The following NR1I2 variants were observed in gnomAD, a reference collection of about 807,000 sequenced individuals.
NR1I2 encodes the protein orphan nuclear receptor PAR1.
NR1I2 carries 42 observed loss-of-function variants against 43.3 expected under a neutral mutation model. The observed-to-expected ratio is 0.97, with a 90% CI of 0.76 to 1.26. The LOEUF (loss-of-function observed/expected upper bound fraction) is 1.26. Among genes scored for constraint, NR1I2 ranks in the 50% most tolerant of loss-of-function variants. The pLI, the probability that NR1I2 is intolerant of heterozygous loss-of-function variation, is 0.00. For synonymous variants in NR1I2, 229 were observed against 215.0 expected (o/e 1.06, Z -0.57); for missense variants, 559 against 566.7 (o/e 0.99, Z 0.14).
At position 119,814,985 on chromosome 3, in the gene NR1I2, GC is replaced by G; in HGVS notation, c.804del (p.Ile269SerfsTer8). The G allele has an allele frequency of 1.9e-6, 3 of 1,614,146 alleles. No individual in the cohort carries two copies. Among genetic ancestry groups the G allele is most frequent in the Non-Finnish European group, 2.5e-6 (3 of 1,180,016 alleles). The stretch of plus-strand genomic sequence containing the variant: ...TCCCCATCCTTGCTGCCAGGGACTT[GC>G]CCATCGAGGACCAGATCTCCCTGCT... On this transcript the variant is annotated frameshift_variant, in exon 6 of 9. Transcript: ENST00000393716. LOFTEE classifies it high-confidence loss of function.
intron 1 of NR1I2, among the ~76,000 whole-genome samples, chr3:119,795,194 C>T (rs1248335045): frequency 2.0e-5 from 3 of 152,106 alleles, no homozygotes; most frequent in Non-Finnish European, 4.4e-5. Context: ...TCCCAGACAG[C>T]GACTCTCCGG....
chr3:119,794,126 C>G (rs111470392), intron 1 of NR1I2, among the ~76,000 whole-genome samples: 112 of 152,156 alleles, frequency 7.4e-4, no homozygotes, highest in African/African-American at 2.5e-3. Flanking sequence ...CCTCCCACCT[C>G]AGCCTCCCAA....
rs555441030 is a variant in NR1I2 at position 119,811,586 on chromosome 3, C to G, written c.379C>G (p.Arg127Gly). The G allele has an allele frequency of 3.7e-6, 6 of 1,613,640 alleles. No individual in the cohort carries two copies. Among genetic ancestry groups the G allele is most frequent in the South Asian group, 3.3e-5 (3 of 90,984 alleles). Reference sequence around the variant, plus strand: ...GGAGGAGAGGCGGGCCTTGATCAAGCGGAAGAAAAGTGAACGGACAGGGAC... The same window carrying G: ...GGAGGAGAGGCGGGCCTTGATCAAGGGGAAGAAAAGTGAACGGACAGGGAC... Residue 127 changes from arginine to glycine, a missense_variant, in exon 4 of 9, where the codon CGG becomes GGG. Coordinates refer to ENST00000393716, the MANE Select transcript of NR1I2 (RefSeq NM_003889.4).
intron 1 of NR1I2, chr3:119,792,213 G>A: frequency 2.0e-6 from 3 of 1,473,552 alleles, no homozygotes; most frequent in Non-Finnish European, 1.9e-6. Flanking sequence ...GTCAGTGGTG[G>A]CTCGCTTTGA....
At position 119,815,414 on chromosome 3, in the gene NR1I2, G is replaced by A. The variant is rs1338435034; in HGVS notation, c.1029G>A (p.Met343Ile). 3.7e-6 allele frequency: 6 copies of A among 1,612,820 alleles called. No homozygotes were observed. Among genetic ancestry groups the A allele is most frequent in the South Asian group, 3.3e-5 (3 of 91,034 alleles). ...TGCATGAGGAGGAGTATGTGCTGATGCAGGCCATCTCCCTCTTCTCCCCAG... is the reference window on the plus strand; with the variant it reads ...TGCATGAGGAGGAGTATGTGCTGATACAGGCCATCTCCCTCTTCTCCCCAG... Residue 343 changes from methionine to isoleucine, a missense_variant, in exon 7 of 9, where the codon ATG becomes ATA. Physicochemically the swap from Met to Ile is conservative, Grantham distance 10. Around this residue, in one of 3 missense-constraint regions of NR1I2, gnomAD observed 323 missense variants for 312.2 expected, o/e 1.03. Coordinates refer to ENST00000393716, the MANE Select transcript of NR1I2 (RefSeq NM_003889.4).
At chr3:119,791,538 T>TA (rs1180007945) in intron 1 of NR1I2, among the ~76,000 whole-genome samples, 5 of 152,136 alleles carry the variant, frequency 3.3e-5, no homozygotes, top group East Asian at 3.9e-4. Context: ...ATCCCTGTCC[T>TA]AAAAAAAAGT....
intron 1 of NR1I2, among the ~76,000 whole-genome samples, chr3:119,788,158 G>A (rs2054871310): frequency 6.6e-6 from 1 of 152,116 alleles, no homozygotes; most frequent in South Asian, 2.1e-4. Context: ...GTGTCACCTA[G>A]GCTGGAGAGC....
At chr3:119,812,200 C>A (rs1486054250) in intron 4 of NR1I2, among the ~76,000 whole-genome samples, 1 of 152,110 alleles carries the variant, frequency 6.6e-6, no homozygotes, top group Non-Finnish European at 1.5e-5. Context: ...GTTTCTTGAT[C>A]CCAGCACATT....
chr3:119,809,636 C>T (rs1042971484), intron 2 of NR1I2, among the ~76,000 whole-genome samples: 1 of 151,956 alleles, frequency 6.6e-6, no homozygotes, highest in East Asian at 1.9e-4. Flanking sequence ...AGCTCCCTCC[C>T]TTAAGGAGGG....
At chr3:119,809,347 G>A (rs1009266127) in intron 2 of NR1I2, among the ~76,000 whole-genome samples, 2 of 152,084 alleles carry the variant, frequency 1.3e-5, no homozygotes, top group East Asian at 1.9e-4. Flanking sequence ...ACCGCAGAGA[G>A]GGGTGTGCGG....
In NR1I2 at chr3:119,818,461, G is replaced by A. The variant is rs2107982363; in HGVS notation, c.*1249G>A. 2 of 985,058 alleles carry A rather than the reference G, an allele frequency of 2.0e-6. No homozygotes were observed. The highest frequency in any genetic ancestry group is 2.4e-6 in the Non-Finnish European group (2 of 829,780). 61.0% of individuals were successfully genotyped at this position (985,058 alleles called of 1,614,324 possible). The stretch of plus-strand genomic sequence containing the variant: ...GTTTAATGTCAAATCAAGGCAAAAG[G>A]AATTAAATAATGTACTTTTGGCTAG... On this transcript the variant is annotated 3_prime_UTR_variant, in exon 9 of 9. Coordinates refer to ENST00000393716, the MANE Select transcript of NR1I2 (RefSeq NM_003889.4).
chr3:119,793,092 C>T (rs976511312), intron 1 of NR1I2, among the ~76,000 whole-genome samples: 2 of 152,100 alleles, frequency 1.3e-5, no homozygotes, highest in Non-Finnish European at 2.9e-5. Context: ...CATGCCGGCT[C>T]GCACTTCACC....
intron 1 of NR1I2, among the ~76,000 whole-genome samples, chr3:119,790,201 G>A (rs2054899383): frequency 6.6e-6 from 1 of 152,060 alleles, no homozygotes; most frequent in East Asian, 1.9e-4. Flanking sequence ...TTAGCATAAT[G>A]TCCTCAAGGT....
intron 4 of NR1I2, among the ~76,000 whole-genome samples, chr3:119,812,451 A>G (rs1042133802): frequency 4.6e-5 from 7 of 152,184 alleles, no homozygotes; most frequent in African/African-American, 1.7e-4. Flanking sequence ...GTGACCATTA[A>G]TTCATAGATC....
At chr3:119,792,987 C>T (rs1577271640) in intron 1 of NR1I2, among the ~76,000 whole-genome samples, 1 of 152,154 alleles carries the variant, frequency 6.6e-6, no homozygotes, top group East Asian at 1.9e-4. Flanking sequence ...TTGGTACCCT[C>T]GGTAATGAGT....
chr3:119,814,150 T>C (rs2107977214), intron 5 of NR1I2, among the ~76,000 whole-genome samples: 1 of 152,312 alleles, frequency 6.6e-6, no homozygotes, highest in East Asian at 1.9e-4. Context: ...GCACAGGGTC[T>C]GAATTCCCAA....
chr3:119,782,934 G>A, intron 1 of NR1I2: 1 of 1,087,866 alleles, frequency 9.2e-7, no homozygotes, highest in Middle Eastern at 2.0e-4. Flanking sequence ...GTGCCACCAG[G>A]TCCTTCTTCT....
intron 3 of NR1I2, 50 bp from the exon 4 acceptor site, chr3:119,811,489 G>A: frequency 2.6e-6 from 4 of 1,555,012 alleles, no homozygotes; most frequent in Non-Finnish European, 3.5e-6. Context: ...CAGGGGGCTG[G>A]AGGCTCACCA....
chr3:119,811,791 G>T lies in NR1I2; in HGVS notation c.519+65G>T. On this transcript the variant is annotated intron_variant, in intron 4 of 8. Transcript: ENST00000393716. ...TCTTCATTCTCACATAGAAACTGAG[G>T]TTCCCCAAGGATAAGAAACTTATAC... 2.1e-6 allele frequency: 3 copies of T among 1,460,022 alleles called. No homozygotes were observed. In the South Asian group the frequency reaches 3.7e-5, roughly 18 times the overall value. The allele number at this position is 1,460,022 out of a possible 1,614,324, so 90.4% of individuals were successfully genotyped here.
Sources: allele counts gnomAD v4.1 joint callset (sites outside exome capture counted in the v4.1 genomes callset), GRCh38; gene constraint gnomAD v4.1.1; regional missense constraint gnomAD v4.1.1; transcripts MANE v1.5; gene names NCBI Gene and HGNC (gene_info 2026-07-23, HGNC 2026-07-21).